PCSK5: variants seen among roughly 807,000 people sequenced by gnomAD.
The protein encoded by PCSK5 is prohormone convertase 5.
In PCSK5, 129 loss-of-function variants were observed where a neutral mutation model predicts 233.2. That is an observed-to-expected ratio of 0.55 (90% CI 0.48 to 0.64). The LOEUF is 0.64. Among genes scored for constraint, PCSK5 ranks in the 30% least tolerant of loss-of-function variants. The probability of loss-of-function intolerance (pLI) is 0.00; values close to 1 mark genes in which losing one functional copy is unlikely to be tolerated. For synonymous variants in PCSK5, 825 were observed against 879.2 expected (o/e 0.94, Z 1.09); for missense variants, 2,076 against 2,430.1 (o/e 0.85, Z 3.06).
intron 8 of PCSK5, among the ~76,000 whole-genome samples, chr9:76,099,313 A>G (rs1175522260): frequency 2.0e-5 from 3 of 152,130 alleles, no homozygotes; most frequent in African/African-American, 7.2e-5. Context: ...CCTCATCTGT[A>G]AAATGGAGAT....
At position 76,169,541 on chromosome 9, in the gene PCSK5, G is replaced by A. The variant is rs1184553135; in HGVS notation, c.1620-163G>A. On this transcript the variant is annotated intron_variant, in intron 12 of 37. Coordinates refer to ENST00000674117, the MANE Select transcript of PCSK5 (RefSeq NM_001372043.1). Reference sequence around the variant, plus strand: ...GTAAAACAATGATTTATATATATATGTATATATATATATCTGCAAATTGGT... The same window carrying A: ...GTAAAACAATGATTTATATATATATATATATATATATATCTGCAAATTGGT... 2.0e-5 allele frequency among the ~76,000 whole-genome samples: 3 copies of A among 151,176 alleles called. No homozygotes were observed. The East Asian group carries it at 5.8e-4, about 29-fold the overall frequency.
intron 24 of PCSK5, among the ~76,000 whole-genome samples, chr9:76,289,529 C>CACACACACATGCAACAT (rs1828214974): frequency 1.1e-5 from 1 of 94,742 alleles, no homozygotes; most frequent in Non-Finnish European, 2.6e-5. Context: ...CACACACACA[C>CACACACACATGCAACAT]ACACACACAC....
rs144697431 is a variant in PCSK5, at chr9:76,300,787, G to A, written c.3524-1350G>A. 4.1e-4 allele frequency among the ~76,000 whole-genome samples: 63 copies of A among 152,202 alleles called. 2 individuals carry two copies. In the East Asian group the frequency reaches 0.012, roughly 28 times the overall value. ...CCTCTCTGAGCCTGTGTCCTTCTCT[G>A]TAAAGTGAAAACATGAAACTGCCTC... On this transcript the variant is annotated intron_variant, in intron 27 of 37. Transcript: ENST00000674117.
In PCSK5 at chr9:76,328,238, C is replaced by A; in HGVS notation, c.4569C>A (p.Leu1523=). 6.2e-7 allele frequency: 1 copy of A among 1,603,306 alleles called. No individual in the cohort carries two copies. The highest frequency in any genetic ancestry group is 8.5e-7 in the Non-Finnish European group (1 of 1,171,132). Residue 1523 remains leucine (L), a splice_region_variant and synonymous_variant, in exon 33 of 38, where the codon CTC becomes CTA. Transcript: ENST00000674117. ...CATGCCCCATGAACAGCCTTCTTCT[C>A]AGTGAGTTACTTCTCCGAGGACAGC... ...CQTCPMNSLL[L]NTTCVKDCPE...
At chr9:76,108,462 A>G (rs1337835196) in intron 9 of PCSK5, among the ~76,000 whole-genome samples, 1 of 152,198 alleles carries the variant, frequency 6.6e-6, no homozygotes, top group Non-Finnish European at 1.5e-5. Flanking sequence ...GGATTACAAT[A>G]AGAACCGTGT....
At chr9:76,056,317 C>T (rs566565171) in intron 5 of PCSK5, among the ~76,000 whole-genome samples, 4 of 152,060 alleles carry the variant, frequency 2.6e-5, no homozygotes, top group African/African-American at 7.2e-5. Context: ...TCTTGTCTTC[C>T]GATCTGGGAT....
At chr9:76,098,787 G>C (rs1831639536) in intron 8 of PCSK5, among the ~76,000 whole-genome samples, 3 of 152,204 alleles carry the variant, frequency 2.0e-5, no homozygotes, top group African/African-American at 7.2e-5. Flanking sequence ...GGAGAACACA[G>C]TATGTACAGA....
intron 3 of PCSK5, among the ~76,000 whole-genome samples, chr9:76,007,638 G>A (rs192036122): frequency 8.8e-4 from 133 of 152,000 alleles, no homozygotes; most frequent in Middle Eastern, 3.4e-3. Context: ...CATCACTTTC[G>A]TTTTTTGAGA....
At chr9:76,249,279 T>C (rs766312730) in intron 24 of PCSK5, among the ~76,000 whole-genome samples, 1 of 152,080 alleles carries the variant, frequency 6.6e-6, no homozygotes, top group African/African-American at 2.4e-5. Flanking sequence ...TAGTCCAAAA[T>C]GTCAATAATG....
intron 32 of PCSK5, among the ~76,000 whole-genome samples, chr9:76,326,100 C>T (rs1490570505): frequency 1.3e-5 from 2 of 152,006 alleles, no homozygotes; most frequent in Non-Finnish European, 2.9e-5. Flanking sequence ...CTCAGCCGGA[C>T]ACGGTGGCTC....
At chr9:75,949,284 G>T (rs780177162) in intron 2 of PCSK5, among the ~76,000 whole-genome samples, 8 of 151,518 alleles carry the variant, frequency 5.3e-5, no homozygotes, top group Admixed American at 1.3e-4. Context: ...CTGTGACATT[G>T]GTGTAAGTAC....
At chr9:75,951,659 C>T (rs1212620803) in intron 2 of PCSK5, among the ~76,000 whole-genome samples, 1 of 151,994 alleles carries the variant, frequency 6.6e-6, no homozygotes, top group Non-Finnish European at 1.5e-5. Context: ...AATCAGACCT[C>T]CTTATCCACA....
chr9:76,178,341 TC>T (rs1281636748), intron 14 of PCSK5, among the ~76,000 whole-genome samples: 2 of 152,192 alleles, frequency 1.3e-5, no homozygotes, highest in African/African-American at 4.8e-5. Context: ...ATGACTTATT[TC>T]CATTCAGATG....
intron 20 of PCSK5, among the ~76,000 whole-genome samples, chr9:76,200,983 T>C (rs144722601): frequency 6.6e-6 from 1 of 152,234 alleles, no homozygotes. Context: ...TCAGACAGAA[T>C]GCTGAGGCGG....
intron 2 of PCSK5, among the ~76,000 whole-genome samples, chr9:75,948,318 AC>A (rs1824677830): frequency 3.8e-5 from 1 of 26,248 alleles, no homozygotes; most frequent in Non-Finnish European, 8.0e-5. Flanking sequence ...TCGCCCCCCC[AC>A]CCCCCGAAAG....
At chr9:75,983,129 G>A (rs898691839) in intron 2 of PCSK5, among the ~76,000 whole-genome samples, 6 of 151,950 alleles carry the variant, frequency 3.9e-5, no homozygotes, top group African/African-American at 1.5e-4. Flanking sequence ...TGGTATATCT[G>A]TAGACATTTG....
chr9:75,944,183 A>AT (rs879895858), intron 2 of PCSK5, among the ~76,000 whole-genome samples: 5,601 of 149,884 alleles, frequency 0.037, 139 homozygotes, highest in Admixed American at 0.062. Flanking sequence ...GAAAGAAAAA[A>AT]AATATATATA....
At chr9:76,326,673 AC>A (rs1829367971) in intron 32 of PCSK5, among the ~76,000 whole-genome samples, 1 of 152,118 alleles carries the variant, frequency 6.6e-6, no homozygotes. Flanking sequence ...GCATGTATCC[AC>A]CCAGGGAATG....
At chr9:76,343,330 AAT>A (rs1491385863) in intron 35 of PCSK5, among the ~76,000 whole-genome samples, 13 of 102,020 alleles carry the variant, frequency 1.3e-4, no homozygotes, top group East Asian at 1.2e-3. Context: ...GCACCTGGGT[AAT>A]TTGTGTGTGT....
Sources: gnomAD v4.1 joint callset for allele counts (sites outside exome capture counted in the v4.1 genomes callset) on GRCh38, gnomAD v4.1.1 for gene constraint, MANE v1.5 for transcripts, NCBI Gene and HGNC (gene_info 2026-07-23, HGNC 2026-07-21) for gene names.